The following CDC42EP3 variants were observed in gnomAD, a reference collection of about 807,000 sequenced individuals.
CDC42EP3 encodes CDC42 effector protein (Rho GTPase binding) 3.
CDC42EP3 carries 4 observed loss-of-function variants against 15.5 expected under a neutral mutation model. That is an observed-to-expected ratio of 0.26 (90% CI 0.13 to 0.59). CDC42EP3 has a LOEUF of 0.59. CDC42EP3 is among the 20% of genes least tolerant of loss of function. The pLI, the probability that CDC42EP3 is intolerant of heterozygous loss-of-function variation, is 0.89. For missense variants in CDC42EP3, 309 were observed against 311.2 expected (o/e 0.99, Z 0.05); for synonymous variants, 145 against 130.3 (o/e 1.11, Z -0.77).
At position 37,645,721 on chromosome 2, in the gene CDC42EP3, C is replaced by T; in HGVS notation, c.*102G>A. The T allele has an allele frequency of 1.1e-6, 1 of 892,598 alleles. No homozygotes were observed. The highest frequency in any genetic ancestry group is 1.6e-6 in the Non-Finnish European group (1 of 606,588). 55.3% of individuals were successfully genotyped at this position (892,598 alleles called of 1,614,324 possible). On this transcript the variant is annotated 3_prime_UTR_variant, in exon 2 of 2. Transcript: ENST00000295324. ...TTTGTAAGAATATTATTTTAGAAAACCCAACACAAAACTGCAAATACAGCT... is the reference window on the plus strand; with the variant it reads ...TTTGTAAGAATATTATTTTAGAAAATCCAACACAAAACTGCAAATACAGCT...
chr2:37,652,092 A>G (rs1057334969), intron 1 of CDC42EP3, among the ~76,000 whole-genome samples: 9 of 139,122 alleles, frequency 6.5e-5, no homozygotes, highest in African/African-American at 2.1e-4. Flanking sequence ...GGAGAATGGC[A>G]TGAACCCGGG....
At chr2:37,650,484 G>A (rs1025050134) in intron 1 of CDC42EP3, among the ~76,000 whole-genome samples, 1 of 152,196 alleles carries the variant, frequency 6.6e-6, no homozygotes, top group Non-Finnish European at 1.5e-5. Flanking sequence ...TTTGTTGAGG[G>A]CTTCTCTATG....
At position 37,650,477 on chromosome 2, in the gene CDC42EP3, G is replaced by A. The variant is rs989136377; in HGVS notation, c.-235-3655C>T. On this transcript the variant is annotated intron_variant, in intron 1 of 1. Coordinates refer to ENST00000295324, the MANE Select transcript of CDC42EP3 (RefSeq NM_006449.5). Reference sequence around the variant, plus strand: ...CAGCACTTGATACAAGTCGGTATTTGTTGAGGGCTTCTCTATGTACCGAGC... The same window carrying A: ...CAGCACTTGATACAAGTCGGTATTTATTGAGGGCTTCTCTATGTACCGAGC... 2.0e-5 allele frequency among the ~76,000 whole-genome samples: 3 copies of A among 152,228 alleles called. No individual in the cohort carries two copies. The South Asian group carries it at 6.2e-4, about 32-fold the overall frequency.
At chr2:37,669,719 A>G (rs1405867091) in intron 1 of CDC42EP3, among the ~76,000 whole-genome samples, 6 of 152,186 alleles carry the variant, frequency 3.9e-5, no homozygotes, top group Non-Finnish European at 8.8e-5. Context: ...AATGCTTCCA[A>G]ATTTCTCCTC....
In CDC42EP3 at chr2:37,645,769, G is replaced by A; in HGVS notation, c.*54C>T. On this transcript the variant is annotated 3_prime_UTR_variant, in exon 2 of 2. Transcript: ENST00000295324. ...GCTCCGGAAGCCCTTCTCTTCAACT[G>A]TGGTTAGTTTGTTTTTGTACCTTTT... The A allele has an allele frequency of 7.2e-7, 1 of 1,387,844 alleles. No individual in the cohort carries two copies. Among genetic ancestry groups the A allele is most frequent in the South Asian group, 1.5e-5 (1 of 65,982 alleles). The allele number at this position is 1,387,844 out of a possible 1,614,324, so 86.0% of individuals were successfully genotyped here.
chr2:37,656,429 C>T (rs137873352), intron 1 of CDC42EP3, among the ~76,000 whole-genome samples: 18 of 152,318 alleles, frequency 1.2e-4, no homozygotes, highest in Middle Eastern at 3.4e-3. Context: ...TCATGAGAGC[C>T]AGGTTGACTT....
Position 37,646,492 on chromosome 2 carries a change from A to G in CDC42EP3, c.96T>C (p.Ser32=). 6.2e-7 allele frequency: 1 copy of G among 1,613,456 alleles called. No homozygotes were observed. The highest frequency in any genetic ancestry group is 1.3e-5 in the African/African-American group (1 of 74,982). ...TGTGGCGAAAGTCTCCAAGCGGGGGACTGATCATATCAGGAGACAGAATGT... is the reference window on the plus strand; with the variant it reads ...TGTGGCGAAAGTCTCCAAGCGGGGGGCTGATCATATCAGGAGACAGAATGT... The part of the protein sequence containing the change: ...LRDILSPDMI[S]PPLGDFRHTI... The change falls in exon 2 of 2, where the codon AGT becomes AGC. Residue 32 remains serine (S), a synonymous_variant. Transcript: ENST00000295324.
rs1056111917 is a variant in CDC42EP3 at position 37,649,390 on chromosome 2, G to A, written c.-235-2568C>T. ...GGACTGGTTGAGCCCAGGAATTCAA[G>A]GCTGCGGAGAGCTATGATTGTACCA... On this transcript the variant is annotated intron_variant, in intron 1 of 1. Coordinates refer to ENST00000295324, the MANE Select transcript of CDC42EP3 (RefSeq NM_006449.5). 3.1e-5 allele frequency among the ~76,000 whole-genome samples: 4 copies of A among 128,296 alleles called. No homozygotes were observed. In the Admixed American group the frequency reaches 4.0e-4, roughly 13 times the overall value. The allele number at this position is 128,296 out of a possible 152,430, so 84.2% of individuals were successfully genotyped here.
rs1475113522 is a variant in CDC42EP3 at position 37,642,353 on chromosome 2, T to C, written c.*3470A>G. On this transcript the variant is annotated 3_prime_UTR_variant, in exon 2 of 2. Coordinates refer to ENST00000295324, the MANE Select transcript of CDC42EP3 (RefSeq NM_006449.5). ...CAAACCAACCAGAAGGCTTCCCCGCTGGGTTGATGGTGGCTTATCATTTGG... is the reference window on the plus strand; with the variant it reads ...CAAACCAACCAGAAGGCTTCCCCGCCGGGTTGATGGTGGCTTATCATTTGG... The C allele has an allele frequency of 6.6e-6, 1 of 152,226 alleles. No individual in the cohort carries two copies. Among genetic ancestry groups the C allele is most frequent in the Non-Finnish European group, 1.5e-5 (1 of 68,044 alleles). The allele number at this position is 152,226 out of a possible 1,614,324, so 9.4% of individuals were successfully genotyped here.
chr2:37,649,594 G>A (rs1474433228), intron 1 of CDC42EP3, among the ~76,000 whole-genome samples: 1 of 152,006 alleles, frequency 6.6e-6, no homozygotes, highest in Non-Finnish European at 1.5e-5. Flanking sequence ...AGCAAAGGGG[G>A]AGAAAGTGTG....
chr2:37,670,231 G>C (rs562949651), intron 1 of CDC42EP3, among the ~76,000 whole-genome samples: 4 of 152,234 alleles, frequency 2.6e-5, no homozygotes, highest in African/African-American at 9.6e-5. Flanking sequence ...TTAAAATACA[G>C]ACATCTGCTG....
chr2:37,658,666 C>T (rs1324812171), intron 1 of CDC42EP3, among the ~76,000 whole-genome samples: 1 of 152,158 alleles, frequency 6.6e-6, no homozygotes, highest in Non-Finnish European at 1.5e-5. Flanking sequence ...AATTCCAAAA[C>T]CCAGCTATCA....
At chr2:37,647,024 C>T (rs533349222) in intron 1 of CDC42EP3, among the ~76,000 whole-genome samples, 4 of 152,360 alleles carry the variant, frequency 2.6e-5, no homozygotes, top group South Asian at 4.1e-4. Context: ...ATATCTATGA[C>T]ACCAGTACTT....
intron 1 of CDC42EP3, among the ~76,000 whole-genome samples, chr2:37,649,918 C>A (rs1158407066): frequency 6.6e-6 from 1 of 152,164 alleles, no homozygotes; most frequent in African/African-American, 2.4e-5. Context: ...CCTTCAGAGG[C>A]ATTTTGCTTT....
chr2:37,647,729 A>C (rs1665522932), intron 1 of CDC42EP3: 1 of 152,318 alleles, frequency 6.6e-6, no homozygotes, highest in East Asian at 1.9e-4. Flanking sequence ...GGCAAAGGCA[A>C]TAGGTCCCTG....
intron 1 of CDC42EP3, among the ~76,000 whole-genome samples, chr2:37,669,693 C>G (rs1178865693): frequency 6.6e-6 from 1 of 152,186 alleles, no homozygotes; most frequent in African/African-American, 2.4e-5. Context: ...AAAACAGAAA[C>G]TGCCATGGAT....
intron 1 of CDC42EP3, among the ~76,000 whole-genome samples, chr2:37,659,661 G>A (rs1394533785): frequency 6.6e-6 from 1 of 152,192 alleles, no homozygotes; most frequent in Non-Finnish European, 1.5e-5. Flanking sequence ...CTTAAAGAAT[G>A]AGGCCCTGGA....
intron 1 of CDC42EP3, among the ~76,000 whole-genome samples, chr2:37,663,315 C>T (rs1463468079): frequency 6.6e-6 from 1 of 152,152 alleles, no homozygotes; most frequent in African/African-American, 2.4e-5. Flanking sequence ...AAGTTGAGGC[C>T]GCAGCAATGA....
intron 1 of CDC42EP3, among the ~76,000 whole-genome samples, chr2:37,664,178 C>A (rs940121254): frequency 7.9e-5 from 12 of 151,882 alleles, no homozygotes; most frequent in Non-Finnish European, 1.5e-4. Flanking sequence ...CATCTCAAAA[C>A]AAAACAAAAC....
Sources: allele counts gnomAD v4.1 joint callset (sites outside exome capture counted in the v4.1 genomes callset), GRCh38; gene constraint gnomAD v4.1.1; transcripts MANE v1.5; gene names NCBI Gene and HGNC (gene_info 2026-07-23, HGNC 2026-07-21).